PSMD12: variants seen among roughly 807,000 people sequenced by gnomAD.
The protein encoded by PSMD12 is proteasome 26S subunit, non-ATPase 12.
Under a neutral mutation model 62.9 loss-of-function variants are expected in PSMD12, and 8 were observed. The ratio of observed to expected loss-of-function variants is 0.13; its 90% confidence interval spans 0.07 to 0.23. The LOEUF (loss-of-function observed/expected upper bound fraction) is 0.23, where lower values mean the gene tolerates loss of function less well. Among genes scored for constraint, PSMD12 ranks in the 10% least tolerant of loss-of-function variants. The pLI is 1.00. For missense variants in PSMD12, 424 were observed against 550.2 expected, an observed-to-expected ratio of 0.77 and a Z score of 2.29; for synonymous variants, 173 against 187.4, an observed-to-expected ratio of 0.92 and a Z score of 0.63.
intron 10 of PSMD12, among the ~76,000 whole-genome samples, chr17:67,341,606 C>T (rs190986755): frequency 6.6e-6 from 1 of 151,806 alleles, no homozygotes; most frequent in Admixed American, 6.6e-5. Flanking sequence ...TGCCTCCTTG[C>T]AAGCTCAATA....
chr17:67,352,906 C>G (rs982649489), intron 3 of PSMD12, among the ~76,000 whole-genome samples: 1 of 152,138 alleles, frequency 6.6e-6, no homozygotes. Context: ...CTTCAAAACC[C>G]AAGAGTGGTG....
In PSMD12 at chr17:67,357,376, T is replaced by C. The variant is rs756797479; in HGVS notation, c.224A>G (p.Tyr75Cys). The C allele has an allele frequency of 9.3e-6, 15 of 1,613,626 alleles. No individual in the cohort carries two copies. The highest frequency in any genetic ancestry group is 1.1e-5 in the Non-Finnish European group (13 of 1,179,672). ...AAGTAAATCCCATTCTTTAGCCTCA[T>C]AGCACATCTTCACTACTGCAACTAA... Reference protein sequence around the residue: ...RILVAVVKMCYEAKEWDLLNE... With the variant: ...RILVAVVKMCCEAKEWDLLNE... Residue 75 changes from tyrosine (Y) to cysteine (C), a missense_variant, in exon 3 of 11, where the codon TAT becomes TGT. Physicochemically the swap from Tyr to Cys is radical, Grantham distance 194. Transcript: ENST00000356126.
chr17:67,358,805 AT>A (rs2143728997), intron 1 of PSMD12, among the ~76,000 whole-genome samples: 1 of 152,246 alleles, frequency 6.6e-6, no homozygotes. Context: ...ACACCCACAC[AT>A]GCTATCCTTA....
rs764554032 is a variant in PSMD12, at chr17:67,347,169, T to C, written c.742A>G (p.Arg248Gly). ...GSYLSICKHYRAIYDTPCIQA... is the reference protein window; with the variant it reads ...GSYLSICKHYGAIYDTPCIQA... ...ATACAGGGAGTATCATATATTGCTC[T>C]GTAGTGCTTACAAATAGACAAATAG... Residue 248 changes from arginine to glycine, a missense_variant, in exon 7 of 11, where the codon AGA becomes GGA. Arg to Gly is a moderately radical substitution (Grantham distance 125, BLOSUM62 -2). Coordinates refer to ENST00000356126, the MANE Select transcript of PSMD12 (RefSeq NM_002816.5). 1 of 1,613,690 alleles carries C rather than the reference T, an allele frequency of 6.2e-7. No homozygotes were observed. The highest frequency in any genetic ancestry group is 8.5e-7 in the Non-Finnish European group (1 of 1,179,734).
At position 67,356,055 on chromosome 17, in the gene PSMD12, A is replaced by T. The variant is rs548191152; in HGVS notation, c.297+1248T>A. On this transcript the variant is annotated intron_variant, in intron 3 of 10. Transcript: ENST00000356126. ...ATGTTTAACAGTACATTCTTTTGGCAGACTTCAGTTTTCTCAGGCAGGCAC... is the reference window on the plus strand; with the variant it reads ...ATGTTTAACAGTACATTCTTTTGGCTGACTTCAGTTTTCTCAGGCAGGCAC... Among the ~76,000 whole-genome samples, 3 of 152,184 alleles carry T rather than the reference A, an allele frequency of 2.0e-5. No individual in the cohort carries two copies. The South Asian group carries it at 6.2e-4, about 32-fold the overall frequency.
chr17:67,347,960 T>C (rs1290967407), intron 5 of PSMD12, among the ~76,000 whole-genome samples: 1 of 152,238 alleles, frequency 6.6e-6, no homozygotes, highest in Non-Finnish European at 1.5e-5. Context: ...ACATCAATAG[T>C]TCATTTACTT....
At position 67,355,969 on chromosome 17, in the gene PSMD12, T is replaced by TACAC. The variant is rs59875246; in HGVS notation, c.297+1330_297+1333dup. 2.9e-3 allele frequency among the ~76,000 whole-genome samples: 416 copies of TACAC among 145,840 alleles called. 3 individuals carry two copies. The highest frequency in any genetic ancestry group is 0.015 in the South Asian group (68 of 4,460). ...GTAGTGAGACCCAAGCCCCCATTTC[T>TACAC]ACACACACACACACACACACACACA... On this transcript the variant is annotated intron_variant, in intron 3 of 10. Coordinates refer to ENST00000356126, the MANE Select transcript of PSMD12 (RefSeq NM_002816.5).
intron 9 of PSMD12, among the ~76,000 whole-genome samples, chr17:67,344,247 T>C (rs1395738992): frequency 2.0e-5 from 3 of 152,214 alleles, no homozygotes; most frequent in East Asian, 3.8e-4. Flanking sequence ...GTCTGGTTTA[T>C]ATACTATAAA....
intron 3 of PSMD12, among the ~76,000 whole-genome samples, chr17:67,356,557 C>CAAA (rs35353017): frequency 0.04 from 595 of 15,000 alleles, 179 homozygotes; most frequent in Middle Eastern, 0.25. Flanking sequence ...GACTCCGTCT[C>CAAA]AAAAAAAAAA....
rs75508067 is a variant in PSMD12, at chr17:67,360,033, G to A, written c.109-2455C>T. 7.7e-3 allele frequency among the ~76,000 whole-genome samples: 1,167 copies of A among 152,200 alleles called. 13 individuals are homozygous for A. The highest frequency in any genetic ancestry group is 0.026 in the African/African-American group (1,097 of 41,524). On this transcript the variant is annotated intron_variant, in intron 1 of 10. Transcript: ENST00000356126. ...AAAGGAAATGAGCAGCACTAGATCC[G>A]GGGCTCCTGCCTCAAGCTCCAAAGC...
At chr17:67,345,327 G>A (rs1420455091) in intron 8 of PSMD12, among the ~76,000 whole-genome samples, 1 of 152,056 alleles carries the variant, frequency 6.6e-6, no homozygotes, top group African/African-American at 2.4e-5. Context: ...TCTAGTATAC[G>A]CTATCAGTAA....
intron 1 of PSMD12, among the ~76,000 whole-genome samples, chr17:67,362,082 TG>T (rs2042135982): frequency 6.6e-6 from 1 of 152,040 alleles, no homozygotes. Context: ...GCAGCACAAA[TG>T]GGTTAAGAGG....
At chr17:67,356,140 G>GT (rs1361637465) in intron 3 of PSMD12, among the ~76,000 whole-genome samples, 3 of 152,040 alleles carry the variant, frequency 2.0e-5, no homozygotes, top group African/African-American at 7.2e-5. Context: ...AACAATCTTA[G>GT]TATTTGTTTA....
chr17:67,343,150 A>C (rs1193041507), intron 9 of PSMD12, among the ~76,000 whole-genome samples: 1 of 152,104 alleles, frequency 6.6e-6, no homozygotes, highest in Non-Finnish European at 1.5e-5. Flanking sequence ...TGGGGAGAAA[A>C]ATGAACTCAA....
chr17:67,364,549 C>T (rs999785838), intron 1 of PSMD12, among the ~76,000 whole-genome samples: 2 of 152,192 alleles, frequency 1.3e-5, no homozygotes, highest in Non-Finnish European at 2.9e-5. Flanking sequence ...CTGGTATTAA[C>T]AGAAATTCAT....
At chr17:67,352,787 T>C (rs1280754227) in intron 3 of PSMD12, among the ~76,000 whole-genome samples, 1 of 152,154 alleles carries the variant, frequency 6.6e-6, no homozygotes, top group Non-Finnish European at 1.5e-5. Context: ...CGGTCCAGTG[T>C]CTCCACACTA....
At chr17:67,361,902 AAAAAAAAG>A (rs2042132337) in intron 1 of PSMD12, among the ~76,000 whole-genome samples, 9 of 102,132 alleles carry the variant, frequency 8.8e-5, no homozygotes, top group Non-Finnish European at 9.3e-5. Flanking sequence ...AAAAAAAAAA[AAAAAAAAG>A]GAAGGAAGGA....
At chr17:67,351,870 C>T (rs958911642) in intron 3 of PSMD12, among the ~76,000 whole-genome samples, 1 of 151,070 alleles carries the variant, frequency 6.6e-6, no homozygotes, top group Non-Finnish European at 1.5e-5. Context: ...AGGCTGAGGC[C>T]GGCGGATCAC....
rs547576194 is a variant in PSMD12, at chr17:67,356,290, T to C, written c.297+1013A>G. 1.1e-3 allele frequency among the ~76,000 whole-genome samples: 174 copies of C among 151,772 alleles called. 4 individuals are homozygous for C. The highest frequency in any genetic ancestry group is 2.4e-4 in the Non-Finnish European group (16 of 67,956). The stretch of plus-strand genomic sequence containing the variant: ...AGCTGTTTTGCAAAAAAATCATATA[T>C]TGGGATAATATAAGAAAATGAACTT... On this transcript the variant is annotated intron_variant, in intron 3 of 10. Coordinates refer to ENST00000356126, the MANE Select transcript of PSMD12 (RefSeq NM_002816.5).
Sources: allele counts gnomAD v4.1 joint callset (sites outside exome capture counted in the v4.1 genomes callset), GRCh38; gene constraint gnomAD v4.1.1; transcripts MANE v1.5; gene names NCBI Gene and HGNC (gene_info 2026-07-23, HGNC 2026-07-21).